COX10: variants seen among roughly 807,000 people sequenced by gnomAD.
COX10 encodes the protein cytochrome c oxidase assembly factor heme A:farnesyltransferase COX10.
COX10 carries 27 observed loss-of-function variants against 37.3 expected under a neutral mutation model. The ratio of observed to expected loss-of-function variants is 0.72; its 90% CI spans 0.53 to 1.00. COX10 has a LOEUF of 1.00. COX10 is among the 50% of genes least tolerant of loss of function. COX10 has a pLI of 0.00. For missense variants in COX10, 475 were observed against 563.2 expected, an observed-to-expected ratio of 0.84 and a Z score of 1.59; for synonymous variants, 222 against 229.1, an observed-to-expected ratio of 0.97 and a Z score of 0.28.
chr17:14,084,105 T>C (rs1029912287), intron 3 of COX10, among the ~76,000 whole-genome samples: 2 of 152,184 alleles, frequency 1.3e-5, no homozygotes, highest in Non-Finnish European at 2.9e-5. Context: ...AAATGGAGGA[T>C]ACACGTTCAT....
At chr17:14,091,180 G>C (rs763796285) in intron 3 of COX10, among the ~76,000 whole-genome samples, 7 of 152,118 alleles carry the variant, frequency 4.6e-5, no homozygotes, top group Non-Finnish European at 1.0e-4. Flanking sequence ...GAAGTTTTTA[G>C]TCTGTTACGC....
At chr17:14,149,317 A>T (rs8065848) in intron 4 of COX10, among the ~76,000 whole-genome samples, 151,380 of 152,274 alleles carry the variant, frequency 0.99, 75,258 homozygotes, top group Middle Eastern at 1. Flanking sequence ...CTAGGCAAGT[A>T]ATTTTGTAGG....
intron 3 of COX10, among the ~76,000 whole-genome samples, chr17:14,088,739 G>C (rs956005354): frequency 6.6e-6 from 1 of 152,150 alleles, no homozygotes; most frequent in Admixed American, 6.5e-5. Context: ...CATGTGTCAA[G>C]GATTCTGAGG....
chr17:14,122,452 G>T (rs1036139876), intron 4 of COX10, among the ~76,000 whole-genome samples: 9 of 152,060 alleles, frequency 5.9e-5, no homozygotes, highest in African/African-American at 2.2e-4. Context: ...ATCATCATTT[G>T]TTCAGTTTAA....
chr17:14,086,171 T>A (rs1915405197), intron 3 of COX10, among the ~76,000 whole-genome samples: 1 of 152,184 alleles, frequency 6.6e-6, no homozygotes, highest in Non-Finnish European at 1.5e-5. Flanking sequence ...AAGTTAATTT[T>A]ATGTAACCAA....
intron 4 of COX10, among the ~76,000 whole-genome samples, chr17:14,155,958 A>G (rs1469184906): frequency 6.6e-6 from 1 of 152,098 alleles, no homozygotes; most frequent in African/African-American, 2.4e-5. Flanking sequence ...TACACCTCGT[A>G]CACAGCAGAG....
chr17:14,087,201 C>A (rs1466379151), intron 3 of COX10, among the ~76,000 whole-genome samples: 1 of 152,178 alleles, frequency 6.6e-6, no homozygotes, highest in Non-Finnish European at 1.5e-5. Flanking sequence ...TCTTACTCTT[C>A]AGGAGGAGTT....
intron 4 of COX10, among the ~76,000 whole-genome samples, chr17:14,147,547 G>C (rs747609483): frequency 1.2e-4 from 18 of 152,210 alleles, no homozygotes; most frequent in Non-Finnish European, 2.5e-4. Context: ...AAAAAAATAG[G>C]ATGAATGAAT....
intron 2 of COX10, among the ~76,000 whole-genome samples, chr17:14,076,111 CTT>C (rs376434284): frequency 2.9e-5 from 3 of 103,254 alleles, no homozygotes; most frequent in Non-Finnish European, 3.6e-5. Context: ...TCTTTTTTGT[CTT>C]TTTTTTTTTT....
intron 4 of COX10, among the ~76,000 whole-genome samples, chr17:14,124,444 C>T (rs953191726): frequency 6.6e-6 from 1 of 152,106 alleles, no homozygotes. Flanking sequence ...TTCTCTAGGA[C>T]AACTCAGAGT....
chr17:14,086,234 A>G (rs540210795), intron 3 of COX10, among the ~76,000 whole-genome samples: 1 of 152,194 alleles, frequency 6.6e-6, no homozygotes, highest in East Asian at 1.9e-4. Context: ...ACTTTCCCAC[A>G]TGAAGATTTT....
chr17:14,130,261 A>G (rs774846164), intron 4 of COX10, among the ~76,000 whole-genome samples: 2 of 152,086 alleles, frequency 1.3e-5, no homozygotes, highest in South Asian at 4.1e-4. Flanking sequence ...AAGGCACTGG[A>G]TATGTGTTGT....
At position 14,076,794 on chromosome 17, in the gene COX10, AG is replaced by A; in HGVS notation, c.238del (p.Ala80HisfsTer20). On this transcript the variant is annotated frameshift_variant, in exon 3 of 7. Transcript: ENST00000261643. LOFTEE classifies it high-confidence loss of function. Reference protein sequence around the residue: ...QQVRPKPEPVASPFLEKTSSG... With the variant: ...QQVRPKPEPVXSPFLEKTSSG... ...AAGTAAGACCCAAGCCAGAACCAGT[AG>A]CATCTCCTTTCCTTGAAAAAACATC... The A allele has an allele frequency of 6.2e-7, 1 of 1,614,214 alleles. No individual in the cohort carries two copies. Among genetic ancestry groups the A allele is most frequent in the Non-Finnish European group, 8.5e-7 (1 of 1,180,038 alleles).
chr17:14,104,348 A>G (rs1485617065), intron 4 of COX10, among the ~76,000 whole-genome samples: 1 of 152,166 alleles, frequency 6.6e-6, no homozygotes, highest in African/African-American at 2.4e-5. Flanking sequence ...AATCTTATAC[A>G]TTTAAAATAA....
chr17:14,139,342 C>T (rs1168612276), intron 4 of COX10, among the ~76,000 whole-genome samples: 1 of 152,050 alleles, frequency 6.6e-6, no homozygotes, highest in Non-Finnish European at 1.5e-5. Context: ...CATTAATTAA[C>T]GCTCATAATA....
intron 4 of COX10, among the ~76,000 whole-genome samples, chr17:14,127,802 A>G (rs1224679237): frequency 6.6e-6 from 1 of 152,092 alleles, no homozygotes; most frequent in African/African-American, 2.4e-5. Context: ...AGAAGCTATT[A>G]TTTTGCCCTC....
intron 4 of COX10, among the ~76,000 whole-genome samples, chr17:14,138,039 T>G (rs1904430937): frequency 6.6e-6 from 1 of 151,878 alleles, no homozygotes; most frequent in Admixed American, 6.6e-5. Flanking sequence ...CTGATTCTGA[T>G]TCTTTGAAAT....
chr17:14,100,582 G>T (rs1372080506), intron 3 of COX10, among the ~76,000 whole-genome samples: 1 of 152,144 alleles, frequency 6.6e-6, no homozygotes, highest in Admixed American at 6.6e-5. Context: ...AGAACCCAGG[G>T]ACAAGAAAGA....
At chr17:14,164,711 G>A (rs1038144302) in intron 5 of COX10, among the ~76,000 whole-genome samples, 9 of 152,274 alleles carry the variant, frequency 5.9e-5, no homozygotes, top group Admixed American at 2.0e-4. Flanking sequence ...CGTGAGAACC[G>A]TTTAGAGTAT....
Sources: gnomAD v4.1 joint callset for allele counts (sites outside exome capture counted in the v4.1 genomes callset) on GRCh38, gnomAD v4.1.1 for gene constraint, MANE v1.5 for transcripts, NCBI Gene and HGNC (gene_info 2026-07-23, HGNC 2026-07-21) for gene names.